GAS7: variants seen among roughly 807,000 people sequenced by gnomAD.
The protein encoded by GAS7 is growth arrest specific 7.
GAS7 carries 28 observed loss-of-function variants against 71.1 expected under a neutral mutation model. That is an observed-to-expected ratio of 0.39 (90% CI 0.29 to 0.54). The LOEUF (loss-of-function observed/expected upper bound fraction) is 0.54. Among genes scored for constraint, GAS7 ranks in the 20% least tolerant of loss-of-function variants. The pLI is 0.62. For synonymous variants in GAS7, 258 were observed against 245.8 expected (o/e 1.05, Z -0.46); for missense variants, 436 against 627.8 (o/e 0.69, Z 3.27).
rs564926549 is a variant in GAS7, at chr17:10,012,539, C to T, written c.304+7238G>A. On this transcript the variant is annotated intron_variant, in intron 2 of 13. Transcript: ENST00000432992. Reference sequence around the variant, plus strand: ...CTGGGCTCAAGTGATCTGCCCACCTCGGCTTCCCAAAGTGCTGGATTACAG... The same window carrying T: ...CTGGGCTCAAGTGATCTGCCCACCTTGGCTTCCCAAAGTGCTGGATTACAG... 3.2e-4 allele frequency among the ~76,000 whole-genome samples: 49 copies of T among 152,238 alleles called. 1 individual carries two copies. Among genetic ancestry groups the T allele is most frequent in the Admixed American group, 1.0e-3 (16 of 15,280 alleles).
intron 1 of GAS7, among the ~76,000 whole-genome samples, chr17:10,063,644 G>T (rs2073244282): frequency 6.6e-6 from 1 of 152,170 alleles, no homozygotes; most frequent in Admixed American, 6.5e-5. Context: ...TCAGGGTGAG[G>T]ATCTCATCCA....
intron 1 of GAS7, among the ~76,000 whole-genome samples, chr17:10,072,415 C>T (rs1017885334): frequency 3.3e-5 from 5 of 152,158 alleles, no homozygotes; most frequent in African/African-American, 1.2e-4. Context: ...GGCTTGGCAT[C>T]CCTGTTCCCC....
intron 1 of GAS7, among the ~76,000 whole-genome samples, chr17:10,022,624 C>G (rs2072313123): frequency 6.6e-6 from 1 of 152,150 alleles, no homozygotes. Context: ...TAATATGAGC[C>G]CAGTTGTGGA....
At chr17:9,952,255 T>A (rs757809494) in intron 5 of GAS7, among the ~76,000 whole-genome samples, 16 of 152,124 alleles carry the variant, frequency 1.1e-4, no homozygotes, top group Non-Finnish European at 2.1e-4. Flanking sequence ...GCATTCGTGA[T>A]CCATTTAGCA....
intron 1 of GAS7, among the ~76,000 whole-genome samples, chr17:10,067,305 C>T (rs1046962904): frequency 5.9e-5 from 9 of 152,118 alleles, no homozygotes; most frequent in African/African-American, 2.2e-4. Context: ...AGTGTAGTGG[C>T]GCGATCTCGG....
At chr17:10,020,442 T>C (rs879799130) in intron 1 of GAS7, among the ~76,000 whole-genome samples, 9 of 152,222 alleles carry the variant, frequency 5.9e-5, no homozygotes, top group Non-Finnish European at 1.0e-4. Context: ...CAGATCACTC[T>C]GGCAAAAAGA....
chr17:9,965,865 CG>C (rs958090595), intron 4 of GAS7, among the ~76,000 whole-genome samples: 2 of 152,052 alleles, frequency 1.3e-5, no homozygotes, highest in African/African-American at 4.8e-5. Context: ...AGTGAAGGAG[CG>C]GGGCAGGCAC....
intron 1 of GAS7, among the ~76,000 whole-genome samples, chr17:10,061,778 G>T (rs891314228): frequency 1.3e-5 from 2 of 152,172 alleles, no homozygotes; most frequent in South Asian, 2.1e-4. Flanking sequence ...TGTGCTGGGC[G>T]TTCCCACTCC....
rs987940078 is a variant in GAS7 at position 9,993,784 on chromosome 17, T to C, written c.305-11900A>G. Among the ~76,000 whole-genome samples the C allele has an allele frequency of 2.7e-3, 404 of 151,050 alleles. 2 individuals are homozygous for C. Among genetic ancestry groups the C allele is most frequent in the African/African-American group, 9.0e-3 (369 of 41,156 alleles). ...ATGATTGTATATCTAGAAAACCCCA[T>C]TGTCTCAGCCCAAAATCTCCTTAGG... On this transcript the variant is annotated intron_variant, in intron 2 of 13. Coordinates refer to ENST00000432992, the MANE Select transcript of GAS7 (RefSeq NM_201433.2).
chr17:9,942,613 T>G (rs2068644060), intron 7 of GAS7, among the ~76,000 whole-genome samples: 2 of 152,176 alleles, frequency 1.3e-5, no homozygotes, highest in South Asian at 4.1e-4. Context: ...GACACAGGTT[T>G]TGGCTAACGA....
intron 1 of GAS7, among the ~76,000 whole-genome samples, chr17:10,125,131 A>G (rs1174742035): frequency 6.6e-6 from 1 of 152,094 alleles, no homozygotes; most frequent in Non-Finnish European, 1.5e-5. Context: ...TTGCAAATTA[A>G]TAGTTTATCC....
At chr17:9,976,077 A>C (rs2070191096) in intron 3 of GAS7, among the ~76,000 whole-genome samples, 1 of 152,252 alleles carries the variant, frequency 6.6e-6, no homozygotes, top group Non-Finnish European at 1.5e-5. Context: ...GCAGTTTTAC[A>C]TAAATACCTT....
chr17:10,007,082 A>G (rs765102405), intron 2 of GAS7, among the ~76,000 whole-genome samples: 20 of 152,252 alleles, frequency 1.3e-4, no homozygotes, highest in Non-Finnish European at 2.6e-4. Context: ...CAACTTAATC[A>G]TATTTGACTA....
At chr17:10,048,367 G>A (rs1330245409) in intron 1 of GAS7, among the ~76,000 whole-genome samples, 1 of 152,122 alleles carries the variant, frequency 6.6e-6, no homozygotes, top group East Asian at 1.9e-4. Flanking sequence ...AAAAGAGAAA[G>A]GGTTACCCAG....
intron 2 of GAS7, among the ~76,000 whole-genome samples, chr17:10,006,823 G>A (rs1226505068): frequency 6.6e-6 from 1 of 152,132 alleles, no homozygotes; most frequent in Non-Finnish European, 1.5e-5. Context: ...AGTCAGCCAC[G>A]CTGATGACAC....
At chr17:9,980,158 G>A (rs770880740) in intron 3 of GAS7, among the ~76,000 whole-genome samples, 5 of 152,030 alleles carry the variant, frequency 3.3e-5, no homozygotes, top group Admixed American at 6.6e-5. Context: ...CCTCTCCCAC[G>A]CCTCAGCTGA....
chr17:10,189,794 C>T (rs900907544), intron 1 of GAS7, among the ~76,000 whole-genome samples: 2 of 152,050 alleles, frequency 1.3e-5, no homozygotes, highest in African/African-American at 4.8e-5. Flanking sequence ...CAAAAATTAG[C>T]CGGCTGTGGT....
At chr17:9,999,878 G>C (rs558343854) in intron 2 of GAS7, among the ~76,000 whole-genome samples, 1 of 152,320 alleles carries the variant, frequency 6.6e-6, no homozygotes, top group African/African-American at 2.4e-5. Context: ...AAGGAAATAA[G>C]ATTCCTTGGG....
At chr17:10,078,767 G>T (rs1277690372) in intron 1 of GAS7, among the ~76,000 whole-genome samples, 1 of 152,182 alleles carries the variant, frequency 6.6e-6, no homozygotes, top group African/African-American at 2.4e-5. Flanking sequence ...TTAGAAAAAG[G>T]GCCAGGTGCA....
Sources: gnomAD v4.1 joint callset for allele counts (sites outside exome capture counted in the v4.1 genomes callset) on GRCh38, gnomAD v4.1.1 for gene constraint, MANE v1.5 for transcripts, NCBI Gene and HGNC (gene_info 2026-07-23, HGNC 2026-07-21) for gene names.